Variants in OR2T29 observed in about 807,000 individuals in gnomAD.
OR2T29 encodes olfactory receptor 2T29.
For missense variants in OR2T29, 7 were observed against 121.9 expected (o/e 0.06, Z 4.44); for synonymous variants, 2 against 44.9 (o/e 0.04, Z 3.82).
intron 1 of OR2T29, 90 bp downstream of exon 1, chr1:248,562,632 GAACT>G (rs1341248425): frequency 1.4e-5 from 2 of 145,042 alleles, no homozygotes; most frequent in African/African-American, 5.2e-5. Context: ...ATGCTGTGAA[GAACT>G]AATAGAACGT....
intron 1 of OR2T29, among the ~76,000 whole-genome samples, chr1:248,560,772 G>C (rs868021299): frequency 0.29 from 415 of 1,420 alleles, 12 homozygotes; most frequent in African/African-American, 0.37. Flanking sequence ...AATTTGGAGG[G>C]TCACTGCTGT....
At chr1:248,560,680 C>T (rs4916137) in intron 1 of OR2T29, among the ~76,000 whole-genome samples, 4,509 of 9,860 alleles carry the variant, frequency 0.46, 44 homozygotes, top group East Asian at 0.5. Flanking sequence ...GTCCTTCCTG[C>T]CTAGTATGTG....
intron 1 of OR2T29, among the ~76,000 whole-genome samples, chr1:248,560,686 A>T (rs1229752778): frequency 0.018 from 187 of 10,192 alleles, no homozygotes; most frequent in African/African-American, 0.025. Flanking sequence ...CCTGCCTAGT[A>T]TGTGGTCCTC....
intron 1 of OR2T29, among the ~76,000 whole-genome samples, chr1:248,562,216 C>T (rs1160302219): frequency 4.0e-5 from 6 of 150,824 alleles, no homozygotes; most frequent in African/African-American, 7.3e-5. Context: ...CGTCTCAGCC[C>T]GAGAGTGAGA....
In OR2T29 at chr1:248,557,282, TAAG is replaced by T. The variant is rs1659468042; in HGVS notation, c.*1259_*1261del. 1 of 124,976 alleles carries T rather than the reference TAAG, an allele frequency of 8.0e-6. No individual in the cohort carries two copies. The highest frequency in any genetic ancestry group is 3.0e-5 in the African/African-American group (1 of 32,858). 7.7% of individuals were successfully genotyped at this position (124,976 alleles called of 1,614,324 possible). A position where few individuals can be genotyped will look rare whatever the true frequency, so the allele number is the denominator to read the frequency against. Reference sequence around the variant, plus strand: ...GGCAAGAAATAAGCCTAACATGAAATAAGAAAGATCTACTGGGCATTGATCTCT... The same window carrying T: ...GGCAAGAAATAAGCCTAACATGAAATAAAGATCTACTGGGCATTGATCTCT... On this transcript the variant is annotated 3_prime_UTR_variant, in exon 2 of 2. Coordinates refer to ENST00000641069, the MANE Select transcript of OR2T29 (RefSeq NM_001004694.3).
chr1:248,559,590 T>G, intron 1 of OR2T29, 89 bp from the exon 2 acceptor site: 2 of 789,150 alleles, frequency 2.5e-6, no homozygotes, highest in South Asian at 3.3e-5. Context: ...GTATGCTCAT[T>G]GTGCTAACCT....
chr1:248,560,767 G>A (rs866109819), intron 1 of OR2T29, among the ~76,000 whole-genome samples: 507 of 1,698 alleles, frequency 0.3, 12 homozygotes, highest in African/African-American at 0.37. Context: ...ACTAGAATTT[G>A]GAGGGTCACT....
At position 248,560,251 on chromosome 1, in the gene OR2T29, G is replaced by A. The variant is rs1486734899; in HGVS notation, c.-10-750C>T. Among the ~76,000 whole-genome samples the A allele has an allele frequency of 1.4e-3, 99 of 71,452 alleles. 1 individual carries two copies. In the East Asian group the frequency reaches 0.027, roughly 19 times the overall value. The allele number at this position is 71,452 out of a possible 152,430, so 46.9% of individuals were successfully genotyped here. On this transcript the variant is annotated intron_variant, in intron 1 of 1. Coordinates refer to ENST00000641069, the MANE Select transcript of OR2T29 (RefSeq NM_001004694.3). ...ATGTTTGAGCTCAGGTGTGGTGAGG[G>A]TAAAATGAGGAAATGTAATGAAAGT...
At chr1:248,560,315 ACT>A (rs1410047430) in intron 1 of OR2T29, among the ~76,000 whole-genome samples, 1 of 91,888 alleles carries the variant, frequency 1.1e-5, no homozygotes, top group Non-Finnish European at 3.3e-5. Context: ...AAACACATAT[ACT>A]CTTAGTGTAG....
intron 1 of OR2T29, among the ~76,000 whole-genome samples, chr1:248,562,303 C>T (rs943400048): frequency 1.4e-5 from 2 of 146,656 alleles, no homozygotes; most frequent in African/African-American, 5.0e-5. Flanking sequence ...GGATTTAGGC[C>T]ACTGTCTGTG....
intron 1 of OR2T29, 64 bp downstream of exon 1, chr1:248,562,662 A>T (rs560007831): frequency 1.3e-4 from 19 of 145,234 alleles, no homozygotes; most frequent in African/African-American, 4.9e-4. Context: ...AAGCAGAACA[A>T]GTCGAGAGCA....
rs1198474714 is a variant in OR2T29 at position 248,558,012 on chromosome 1, C to CA, written c.*531dup. 3 of 161,776 alleles carry CA rather than the reference C, an allele frequency of 1.9e-5. No individual in the cohort carries two copies. Among genetic ancestry groups the CA allele is most frequent in the Non-Finnish European group, 4.1e-5 (3 of 73,152 alleles). The allele number at this position is 161,776 out of a possible 1,614,324, so 10.0% of individuals were successfully genotyped here. ...CATGATTTCTAAGATGTCACACTGC[C>CA]ACCAAGCAGAAAGGAGAATATTTTC... On this transcript the variant is annotated 3_prime_UTR_variant, in exon 2 of 2. Coordinates refer to ENST00000641069, the MANE Select transcript of OR2T29 (RefSeq NM_001004694.3).
At chr1:248,560,794 G>A (rs1220316038) in intron 1 of OR2T29, among the ~76,000 whole-genome samples, 1 of 810 alleles carries the variant, frequency 1.2e-3, no homozygotes, top group African/African-American at 2.1e-3. Flanking sequence ...TATCAGACAA[G>A]GCTTTAGTTG....
In OR2T29 at chr1:248,558,104, AAAC is replaced by A. The variant is rs1659481657; in HGVS notation, c.*437_*439del. 1.0e-5 allele frequency: 1 copy of A among 96,934 alleles called. No homozygotes were observed. The highest frequency in any genetic ancestry group is 2.1e-5 in the Non-Finnish European group (1 of 47,364). The allele number at this position is 96,934 out of a possible 1,614,324, so 6.0% of individuals were successfully genotyped here. ...TTTCAACTTCACAAAAATCATTAAA[AAAC>A]AATAGTACAATTAATACCTATATAC... On this transcript the variant is annotated 3_prime_UTR_variant, in exon 2 of 2. Coordinates refer to ENST00000641069, the MANE Select transcript of OR2T29 (RefSeq NM_001004694.3).
Position 248,559,494 on chromosome 1 carries a change from G to C in OR2T29, c.-3C>G. On this transcript the variant is annotated 5_prime_UTR_variant, in exon 2 of 2. Transcript: ENST00000641069. ...GCCATCCTGGTGATGTTGGCCATGA[G>C]GTTTCACCTAGGCCACCAAGGAGAG... is the stretch of plus-strand genomic sequence containing the variant. 1 of 1,593,472 alleles carries C rather than the reference G, an allele frequency of 6.3e-7. No homozygotes were observed. The highest frequency in any genetic ancestry group is 8.6e-7 in the Non-Finnish European group (1 of 1,168,440).
At chr1:248,562,583 T>C (rs1659542528) in intron 1 of OR2T29, 143 bp downstream of exon 1, 1 of 144,832 alleles carries the variant, frequency 6.9e-6, no homozygotes, top group African/African-American at 2.6e-5. Flanking sequence ...ACATTTGCTT[T>C]TCTCCATTAA....
chr1:248,561,987 G>A (rs933322197), intron 1 of OR2T29, among the ~76,000 whole-genome samples: 4 of 147,290 alleles, frequency 2.7e-5, no homozygotes, highest in Non-Finnish European at 6.0e-5. Context: ...TGTTTAACTT[G>A]GGGATTTATT....
rs1629363 is a variant in OR2T29 at position 248,559,421 on chromosome 1, T to G, written c.71A>C (p.Gln24Pro). ...ACTAAGTAGAGCTGGATGTTTGGATTGTCTGAAGAGTCCCATGAGGATGAA... is the reference window on the plus strand; with the variant it reads ...ACTAAGTAGAGCTGGATGTTTGGATGGTCTGAAGAGTCCCATGAGGATGAA... ...LDFILMGLFR[Q>P]SKHPALLSVV... is the part of the protein sequence containing the mutation. Residue 24 changes from glutamine to proline, a missense_variant, in exon 2 of 2, where the codon CAA (glutamine) becomes CCA (proline). Coordinates refer to ENST00000641069, the MANE Select transcript of OR2T29 (RefSeq NM_001004694.3). 2.8e-5 allele frequency: 32 copies of G among 1,146,328 alleles called. No homozygotes were observed. The highest frequency in any genetic ancestry group is 2.7e-4 in the African/African-American group (14 of 52,380). 71.0% of individuals were successfully genotyped at this position (1,146,328 alleles called of 1,614,324 possible).
intron 1 of OR2T29, among the ~76,000 whole-genome samples, chr1:248,560,547 G>A (rs1177342509): frequency 0.011 from 418 of 38,358 alleles, no homozygotes; most frequent in African/African-American, 0.017. Context: ...GTGTTTATGT[G>A]TAAATACTCT....
Sources: allele counts gnomAD v4.1 joint callset (sites outside exome capture counted in the v4.1 genomes callset), GRCh38; gene constraint gnomAD v4.1.1; transcripts MANE v1.5; gene names NCBI Gene and HGNC (gene_info 2026-07-23, HGNC 2026-07-21).